Variants in PACRG observed in about 807,000 individuals in gnomAD.
PACRG encodes parkin coregulated, also known as parkin coregulated gene protein.
A neutral mutation model predicts 29.7 loss-of-function variants in PACRG; 29 were observed. The ratio of observed to expected loss-of-function variants is 0.98; its 90% CI spans 0.73 to 1.33. The LOEUF (loss-of-function observed/expected upper bound fraction) is 1.33. Ranked by LOEUF, PACRG falls within the 40% of genes most tolerant of loss-of-function variation. The pLI is 0.00. For synonymous variants in PACRG, 116 were observed against 118.7 expected (o/e 0.98, Z 0.15); for missense variants, 279 against 316.2 (o/e 0.88, Z 0.89).
chr6:162,813,034 C>A (rs1296859485), intron 1 of PACRG, among the ~76,000 whole-genome samples: 2 of 151,860 alleles, frequency 1.3e-5, no homozygotes, highest in Non-Finnish European at 2.9e-5. Context: ...TTTCTTAATA[C>A]CACACTTAAT....
At chr6:163,125,845 G>T (rs1300970221) in intron 4 of PACRG, among the ~76,000 whole-genome samples, 1 of 152,182 alleles carries the variant, frequency 6.6e-6, no homozygotes, top group African/African-American at 2.4e-5. Context: ...CAACACAGAT[G>T]TCAAAATAGT....
At chr6:162,832,280 T>C (rs1027698930) in intron 2 of PACRG, among the ~76,000 whole-genome samples, 1 of 152,242 alleles carries the variant, frequency 6.6e-6, no homozygotes, top group Non-Finnish European at 1.5e-5. Flanking sequence ...TGTTGAGCTT[T>C]TTTCATGTTT....
At chr6:162,976,750 TCA>T (rs1317837189) in intron 2 of PACRG, among the ~76,000 whole-genome samples, 3 of 152,140 alleles carry the variant, frequency 2.0e-5, no homozygotes, top group African/African-American at 7.2e-5. Flanking sequence ...AAATATACTA[TCA>T]CACACACAAT....
intron 4 of PACRG, among the ~76,000 whole-genome samples, chr6:163,287,945 T>G (rs1432204108): frequency 6.6e-6 from 1 of 152,160 alleles, no homozygotes. Context: ...TTTATTTGGC[T>G]TTGTTGTTTT....
At chr6:162,738,421 G>C (rs966065898) in intron 1 of PACRG, among the ~76,000 whole-genome samples, 5 of 152,118 alleles carry the variant, frequency 3.3e-5, no homozygotes, top group African/African-American at 4.8e-5. Context: ...TTAGTATTTT[G>C]TGTCACAAAG....
intron 2 of PACRG, among the ~76,000 whole-genome samples, chr6:162,849,493 C>G (rs974406387): frequency 1.3e-5 from 2 of 152,170 alleles, no homozygotes; most frequent in African/African-American, 2.4e-5. Flanking sequence ...AGTGCACCCC[C>G]CAGGGGAATG....
At chr6:163,054,257 T>C (rs575885) in intron 2 of PACRG, 91,289 of 152,060 alleles carry the variant, frequency 0.6, 29,737 homozygotes, top group East Asian at 0.95. Context: ...CTTAACCCAG[T>C]AGGCCCATTG....
At chr6:163,272,917 A>G (rs1585390005) in intron 4 of PACRG, among the ~76,000 whole-genome samples, 1 of 47,120 alleles carries the variant, frequency 2.1e-5, no homozygotes, top group African/African-American at 1.3e-4. Context: ...TTTGAGACGG[A>G]GTCTTGCTCT....
intron 2 of PACRG, among the ~76,000 whole-genome samples, chr6:162,913,161 G>A (rs1428834769): frequency 6.6e-6 from 1 of 152,082 alleles, no homozygotes; most frequent in Non-Finnish European, 1.5e-5. Context: ...AATTCAAGGT[G>A]TACAATCTGC....
chr6:163,002,504 A>G (rs1804680149), intron 2 of PACRG, among the ~76,000 whole-genome samples: 1 of 152,206 alleles, frequency 6.6e-6, no homozygotes, highest in Admixed American at 6.5e-5. Context: ...AAAGAGCAGA[A>G]ATGATTAAGA....
chr6:162,830,894 G>C, intron 2 of PACRG, among the ~76,000 whole-genome samples: 1 of 152,130 alleles, frequency 6.6e-6, no homozygotes, highest in Admixed American at 6.5e-5. Context: ...CACGTTCTCA[G>C]CTCTCCTTTA....
chr6:162,880,184 T>C (rs1793714797), intron 2 of PACRG, among the ~76,000 whole-genome samples: 1 of 152,234 alleles, frequency 6.6e-6, no homozygotes, highest in African/African-American at 2.4e-5. Context: ...CTCGGTTTGT[T>C]GTCCCTGTAT....
chr6:162,828,230 T>C (rs566084379), intron 2 of PACRG, among the ~76,000 whole-genome samples: 1 of 152,212 alleles, frequency 6.6e-6, no homozygotes, highest in African/African-American at 2.4e-5. Context: ...GTAGCTCTAT[T>C]TATTTTTGTT....
At chr6:162,931,038 T>C (rs1368905840) in intron 2 of PACRG, among the ~76,000 whole-genome samples, 1 of 151,880 alleles carries the variant, frequency 6.6e-6, no homozygotes, top group African/African-American at 2.4e-5. Context: ...ATAGTTTTCT[T>C]TTTTTGTTGT....
intron 2 of PACRG, among the ~76,000 whole-genome samples, chr6:163,013,755 T>C (rs1805831117): frequency 6.6e-6 from 1 of 152,206 alleles, no homozygotes; most frequent in African/African-American, 2.4e-5. Context: ...ATTTTACATA[T>C]TCACTTTTAA....
chr6:163,157,039 A>C (rs1778351332), intron 4 of PACRG, among the ~76,000 whole-genome samples: 1 of 152,206 alleles, frequency 6.6e-6, no homozygotes, highest in Non-Finnish European at 1.5e-5. Context: ...TCCAGGAATT[A>C]GGTTACGTTC....
At chr6:162,908,482 C>A (rs1194163993) in intron 2 of PACRG, among the ~76,000 whole-genome samples, 4 of 152,196 alleles carry the variant, frequency 2.6e-5, no homozygotes, top group Non-Finnish European at 5.9e-5. Context: ...TCCATTTTAT[C>A]ACAATGCATC....
At chr6:163,244,809 G>C (rs1782631155) in intron 4 of PACRG, 1 of 248,654 alleles carries the variant, frequency 4.0e-6, no homozygotes, top group African/African-American at 2.3e-5. Context: ...AAACAATAAT[G>C]GTGCCAGAAC....
At chr6:162,866,325 G>A (rs560923270) in intron 2 of PACRG, among the ~76,000 whole-genome samples, 14 of 152,072 alleles carry the variant, frequency 9.2e-5, no homozygotes, top group African/African-American at 3.1e-4. Flanking sequence ...CTGTGCTTCC[G>A]GTCTTTACCA....
Sources: gnomAD v4.1 joint callset for allele counts (sites outside exome capture counted in the v4.1 genomes callset) on GRCh38, gnomAD v4.1.1 for gene constraint, MANE v1.5 for transcripts, NCBI Gene and HGNC (gene_info 2026-07-23, HGNC 2026-07-21) for gene names.